The following CDH4 variants were observed in gnomAD, a reference collection of about 807,000 sequenced individuals.
CDH4 encodes cadherin-4.
CDH4 carries 33 observed loss-of-function variants against 86.0 expected under a neutral mutation model. The ratio of observed to expected loss-of-function variants is 0.38; its 90% confidence interval spans 0.29 to 0.51. The LOEUF (loss-of-function observed/expected upper bound fraction) is 0.51, where lower values mean the gene tolerates loss of function less well. CDH4 is among the 20% of genes least tolerant of loss of function. The pLI, the probability that CDH4 is intolerant of heterozygous loss-of-function variation, is 0.86. For synonymous variants in CDH4, 555 were observed against 549.4 expected, an observed-to-expected ratio of 1.01 and a Z score of -0.14; for missense variants, 1,114 against 1,307.4, an observed-to-expected ratio of 0.85 and a Z score of 2.28.
At chr20:61,859,507 T>C (rs2146125945) in intron 6 of CDH4, among the ~76,000 whole-genome samples, 1 of 152,380 alleles carries the variant, frequency 6.6e-6, no homozygotes, top group South Asian at 2.1e-4. Context: ...CTGGGTTTTC[T>C]AACAGTTGTT....
At chr20:61,651,436 C>A (rs7267059) in intron 2 of CDH4, among the ~76,000 whole-genome samples, 1 of 152,356 alleles carries the variant, frequency 6.6e-6, no homozygotes, top group East Asian at 1.9e-4. Flanking sequence ...CCTGTCGCGG[C>A]GTTCCTCTCC....
rs567955550 is a variant in CDH4 at position 61,737,344 on chromosome 20, C to T, written c.170-6219C>T. 4.5e-4 allele frequency among the ~76,000 whole-genome samples: 69 copies of T among 152,232 alleles called. 2 individuals carry two copies. Among genetic ancestry groups the T allele is most frequent in the Admixed American group, 3.5e-3 (53 of 15,306 alleles). On this transcript the variant is annotated intron_variant, in intron 2 of 15. Transcript: ENST00000614565. ...AGAACCTCAGAATCTGTTGACCCCA[C>T]ACCTTGGGGTGAGGAGAGGGAGCTG...
chr20:61,638,907 G>A (rs1161816972), intron 2 of CDH4, among the ~76,000 whole-genome samples: 4 of 152,142 alleles, frequency 2.6e-5, no homozygotes, highest in Non-Finnish European at 5.9e-5. Flanking sequence ...GGGAATTGAA[G>A]CCAACTCAGG....
chr20:61,446,588 G>A (rs2085351476), intron 2 of CDH4, among the ~76,000 whole-genome samples: 2 of 151,592 alleles, frequency 1.3e-5, no homozygotes, highest in Non-Finnish European at 2.9e-5. Flanking sequence ...TTTCATGATA[G>A]AAGGTGGCTG....
chr20:61,851,920 G>T (rs539991484), intron 5 of CDH4, among the ~76,000 whole-genome samples: 20 of 152,374 alleles, frequency 1.3e-4, no homozygotes, highest in Non-Finnish European at 1.9e-4. Context: ...CTAGGGTCCA[G>T]CCCAGCACCT....
At chr20:61,561,994 A>G (rs952623132) in intron 2 of CDH4, among the ~76,000 whole-genome samples, 4 of 151,566 alleles carry the variant, frequency 2.6e-5, no homozygotes, top group Non-Finnish European at 4.4e-5. Context: ...TCGTGTGGAG[A>G]GGTGGACCCC....
chr20:61,848,567 C>T (rs1982569131), intron 5 of CDH4, among the ~76,000 whole-genome samples: 3 of 152,118 alleles, frequency 2.0e-5, no homozygotes, highest in African/African-American at 7.2e-5. Context: ...ACTTCGTCAG[C>T]CAGGCTGGAG....
chr20:61,426,383 T>G (rs889189406), intron 2 of CDH4, among the ~76,000 whole-genome samples: 1 of 152,196 alleles, frequency 6.6e-6, no homozygotes, highest in Non-Finnish European at 1.5e-5. Context: ...TCATAGGCAC[T>G]GCATTCGGGT....
intron 2 of CDH4, among the ~76,000 whole-genome samples, chr20:61,397,277 G>A (rs2145474445): frequency 6.6e-6 from 1 of 152,290 alleles, no homozygotes; most frequent in Admixed American, 6.5e-5. Context: ...TCTTCTGGGT[G>A]AAGTTTCTTG....
intron 2 of CDH4, among the ~76,000 whole-genome samples, chr20:61,381,649 A>G (rs1272669814): frequency 6.6e-6 from 1 of 151,526 alleles, no homozygotes; most frequent in Non-Finnish European, 1.5e-5. Context: ...CCCTTGGAAG[A>G]TTTGAGCCAC....
Position 61,841,668 on chromosome 20 carries a change from C to T in CDH4, c.577-3000C>T, listed in dbSNP as rs184776768. ...GGGCAGAGCTGGGAAAGGAACCTACCTGATCATGGGAAAGTAAGGAGGTGC... is the reference window on the plus strand; with the variant it reads ...GGGCAGAGCTGGGAAAGGAACCTACTTGATCATGGGAAAGTAAGGAGGTGC... On this transcript the variant is annotated intron_variant, in intron 4 of 15. Coordinates refer to ENST00000614565, the MANE Select transcript of CDH4 (RefSeq NM_001794.5). Among the ~76,000 whole-genome samples, 9 of 151,132 alleles carry T rather than the reference C, an allele frequency of 6.0e-5. No homozygotes were observed. In the East Asian group the frequency reaches 1.8e-3, roughly 30 times the overall value.
At chr20:61,420,712 A>G (rs1019457222) in intron 2 of CDH4, among the ~76,000 whole-genome samples, 1 of 152,274 alleles carries the variant, frequency 6.6e-6, no homozygotes, top group Non-Finnish European at 1.5e-5. Context: ...CCAGGTGCCC[A>G]TGCACAGTGC....
At chr20:61,766,986 G>T (rs1048658569) in intron 3 of CDH4, among the ~76,000 whole-genome samples, 5 of 152,240 alleles carry the variant, frequency 3.3e-5, no homozygotes, top group African/African-American at 1.2e-4. Context: ...CCATCAAGAT[G>T]GTGGGCCACA....
At chr20:61,566,033 C>T (rs573687722) in intron 2 of CDH4, among the ~76,000 whole-genome samples, 177 of 152,328 alleles carry the variant, frequency 1.2e-3, no homozygotes, top group Non-Finnish European at 1.9e-4. Context: ...AGCCCTTTCT[C>T]GGGTGCACAG....
chr20:61,833,421 G>A (rs1981716973), intron 4 of CDH4, among the ~76,000 whole-genome samples: 1 of 152,072 alleles, frequency 6.6e-6, no homozygotes, highest in Non-Finnish European at 1.5e-5. Context: ...CTCCGGGGGA[G>A]ACAGCAAACA....
At chr20:61,578,612 T>TC (rs748730904) in intron 2 of CDH4, among the ~76,000 whole-genome samples, 2 of 152,180 alleles carry the variant, frequency 1.3e-5, no homozygotes, top group Non-Finnish European at 2.9e-5. Context: ...CAGAGCCGAC[T>TC]CAAGGGGTGG....
At position 61,501,804 on chromosome 20, in the gene CDH4, C is replaced by T. The variant is rs2085703299; in HGVS notation, c.170-241759C>T. 1.3e-5 allele frequency among the ~76,000 whole-genome samples: 2 copies of T among 152,304 alleles called. No individual in the cohort carries two copies. Among genetic ancestry groups the T allele is most frequent in the Admixed American group, 1.3e-4 (2 of 15,298 alleles). ...ACCAGACGCGACTAATGAAACTTTT[C>T]TGTTCTCTCCTTTCTAGGTAAGTGA... On this transcript the variant is annotated intron_variant, in intron 2 of 15. Coordinates refer to ENST00000614565, the MANE Select transcript of CDH4 (RefSeq NM_001794.5). The surrounding 1 kb of genome is among the most constrained non-coding windows in gnomAD (Gnocchi z 4.2).
chr20:61,484,036 T>C (rs1279926672), intron 2 of CDH4, among the ~76,000 whole-genome samples: 2 of 152,132 alleles, frequency 1.3e-5, no homozygotes, highest in Non-Finnish European at 2.9e-5. Context: ...TCTTGGTATT[T>C]TCTCTTTGCT....
intron 2 of CDH4, among the ~76,000 whole-genome samples, chr20:61,730,997 G>A (rs1320455531): frequency 6.6e-6 from 1 of 151,878 alleles, no homozygotes; most frequent in African/African-American, 2.4e-5. Flanking sequence ...AGGGGAAGGA[G>A]CAGCTGAGGG....
Sources: allele counts gnomAD v4.1 joint callset (sites outside exome capture counted in the v4.1 genomes callset), GRCh38; gene constraint gnomAD v4.1.1; non-coding constraint Gnocchi (gnomAD v3.1); transcripts MANE v1.5; gene names NCBI Gene and HGNC (gene_info 2026-07-23, HGNC 2026-07-21).